MLXIP: variants seen among roughly 807,000 people sequenced by gnomAD.
The protein encoded by MLXIP is MLX interacting protein.
Under a neutral mutation model 87.2 loss-of-function variants are expected in MLXIP, and 30 were observed. The ratio of observed to expected loss-of-function variants is 0.34; its 90% CI spans 0.26 to 0.47. The LOEUF (loss-of-function observed/expected upper bound fraction) is 0.47. Among genes scored for constraint, MLXIP ranks in the 20% least tolerant of loss-of-function variants. The pLI is 1.00. For missense variants in MLXIP, 1,002 were observed against 1,240.1 expected (o/e 0.81, Z 2.88); for synonymous variants, 530 against 514.0 (o/e 1.03, Z -0.42).
intron 1 of MLXIP, among the ~76,000 whole-genome samples, chr12:122,082,652 G>A (rs750612759): frequency 1.9e-4 from 29 of 152,218 alleles, no homozygotes; most frequent in Non-Finnish European, 3.4e-4. Context: ...TCTAACCAGG[G>A]TCTTAGCTGA....
intron 1 of MLXIP, among the ~76,000 whole-genome samples, chr12:122,081,235 G>A (rs1382613512): frequency 6.6e-6 from 1 of 152,080 alleles, no homozygotes; most frequent in African/African-American, 2.4e-5. Flanking sequence ...CTGTGCCTAA[G>A]GTCTCCTGCT....
At chr12:122,124,130 G>T (rs1489969113) in intron 1 of MLXIP, among the ~76,000 whole-genome samples, 6 of 150,574 alleles carry the variant, frequency 4.0e-5, no homozygotes, top group Non-Finnish European at 5.9e-5. Context: ...CGTGCTGCAT[G>T]AGGGGAACCT....
chr12:122,119,492 T>C (rs1952745578), intron 1 of MLXIP, among the ~76,000 whole-genome samples: 1 of 152,038 alleles, frequency 6.6e-6, no homozygotes, highest in African/African-American at 2.4e-5. Flanking sequence ...TCCAGGTTCA[T>C]GCCATTCTCC....
chr12:122,131,486 G>A (rs1952978631), intron 7 of MLXIP, among the ~76,000 whole-genome samples: 1 of 115,448 alleles, frequency 8.7e-6, no homozygotes, highest in South Asian at 2.8e-4. Context: ...GTCTTGCACT[G>A]TCACCCAGGC....
intron 1 of MLXIP, among the ~76,000 whole-genome samples, chr12:122,117,632 C>T (rs1414712944): frequency 6.6e-6 from 1 of 152,164 alleles, no homozygotes; most frequent in African/African-American, 2.4e-5. Flanking sequence ...ACTAGAAGCC[C>T]TAGAATGTCT....
In MLXIP at chr12:122,135,213, T is replaced by C. The variant is rs764139504; in HGVS notation, c.1733-11T>C. On this transcript the variant is annotated splice_polypyrimidine_tract_variant and intron_variant, in intron 9 of 16. Coordinates refer to ENST00000319080, the MANE Select transcript of MLXIP (RefSeq NM_014938.6). The surrounding 1 kb of genome is among the most constrained non-coding windows in gnomAD (Gnocchi z 5.3). ...CAGGGCTGCACCTGAACATCCTCCT[T>C]ATCCTGGCAGCTGCCTTTTCAGGCC... is the stretch of plus-strand genomic sequence containing the variant. 3.7e-6 allele frequency: 6 copies of C among 1,612,272 alleles called. No homozygotes were observed. The highest frequency in any genetic ancestry group is 2.2e-5 in the East Asian group (1 of 44,844).
chr12:122,133,780 A>G lies in MLXIP; in HGVS notation c.1525A>G (p.Ile509Val). ...CTTTAGCCAGAGTCAGGGCCTTGTG[A>G]TCACCACCCATCACCCTGCCCCGTC... Reference protein sequence around the residue: ...TTFSQSQGLVITTHHPAPSAA... With the variant: ...TTFSQSQGLVVTTHHPAPSAA... Residue 509 changes from isoleucine (I) to valine (V), a missense_variant, in exon 9 of 17, where the codon ATC (isoleucine) becomes GTC (valine). Coordinates refer to ENST00000319080, the MANE Select transcript of MLXIP (RefSeq NM_014938.6). This position sits in a 1 kb window ranked among gnomAD's most constrained non-coding sequence, Gnocchi z 4.9. 1 of 1,613,140 alleles carries G rather than the reference A, an allele frequency of 6.2e-7. No individual in the cohort carries two copies. Among genetic ancestry groups the G allele is most frequent in the Non-Finnish European group, 8.5e-7 (1 of 1,179,672 alleles).
Position 122,141,014 on chromosome 12 carries a change from C to T in MLXIP, c.2569C>T (p.Leu857=). The change falls in exon 16 of 17, where the codon CTG becomes TTG. Residue 857 remains leucine, a synonymous_variant. Coordinates refer to ENST00000319080, the MANE Select transcript of MLXIP (RefSeq NM_014938.6). ...SFKGMVSTSS[L]EELHRTALSW... ...CAAGGGCATGGTGTCCACCAGCAGC[C>T]TGGAGGAGCTGCACCGGACGGCGCT... 4 of 1,613,982 alleles carry T rather than the reference C, an allele frequency of 2.5e-6. No individual in the cohort carries two copies. The South Asian group carries it at 3.3e-5, about 13-fold the overall frequency.
At chr12:122,132,902 C>G (rs1471299220) in intron 8 of MLXIP, 2 of 172,960 alleles carry the variant, frequency 1.2e-5, no homozygotes. Flanking sequence ...ACTGCAGAGA[C>G]TGGGATCTGA....
Position 122,127,930 on chromosome 12 carries a change from G to C in MLXIP, c.568G>C (p.Asp190His), listed in dbSNP as rs376647525. ...NPVCHFVTPL[D>H]GSVDVDEHRR... Reference sequence around the variant, plus strand: ...TGTGTGCCACTTTGTGACACCCCTGGACGGCTCTGTGGACGTAGACGAGCA... The same window carrying C: ...TGTGTGCCACTTTGTGACACCCCTGCACGGCTCTGTGGACGTAGACGAGCA... Residue 190 changes from aspartate (D) to histidine (H), a missense_variant, in exon 3 of 17, where the codon GAC becomes CAC. Physicochemically the swap from Asp to His is moderately conservative, Grantham distance 81. Transcript: ENST00000319080. 7.9e-5 allele frequency: 128 copies of C among 1,613,720 alleles called. No individual in the cohort carries two copies. The highest frequency in any genetic ancestry group is 1.1e-4 in the Non-Finnish European group (125 of 1,179,832).
In MLXIP at chr12:122,144,673, G is replaced by A. The variant is rs1284440770; in HGVS notation, c.*2861G>A. 2 of 152,160 alleles carry A rather than the reference G, an allele frequency of 1.3e-5. No homozygotes were observed. Among genetic ancestry groups the A allele is most frequent in the Non-Finnish European group, 2.9e-5 (2 of 68,046 alleles). 9.4% of individuals were successfully genotyped at this position (152,160 alleles called of 1,614,324 possible). On this transcript the variant is annotated 3_prime_UTR_variant, in exon 17 of 17. Coordinates refer to ENST00000319080, the MANE Select transcript of MLXIP (RefSeq NM_014938.6). ...GGCCAAGGCGGGTGGATCACCTGCA[G>A]TCAGGAGTTCACAACCAGCCTGACC...
rs1953214332 is a variant in MLXIP at position 122,141,953 on chromosome 12, G to A, written c.*141G>A. On this transcript the variant is annotated 3_prime_UTR_variant, in exon 17 of 17. Coordinates refer to ENST00000319080, the MANE Select transcript of MLXIP (RefSeq NM_014938.6). ...CTGCCGGCCCACCGTGGCATCGGGAGGCCATGCTCAGGTCTGAAGCAGGTT... is the reference window on the plus strand; with the variant it reads ...CTGCCGGCCCACCGTGGCATCGGGAAGCCATGCTCAGGTCTGAAGCAGGTT... 4 of 1,329,176 alleles carry A rather than the reference G, an allele frequency of 3.0e-6. No individual in the cohort carries two copies. The highest frequency in any genetic ancestry group is 4.1e-6 in the Non-Finnish European group (4 of 979,172). 82.3% of individuals were successfully genotyped at this position (1,329,176 alleles called of 1,614,324 possible).
chr12:122,140,754 TAC>T lies in MLXIP; in HGVS notation c.2509-198_2509-197del, dbSNP rs1256114678. On this transcript the variant is annotated intron_variant, in intron 15 of 16. Transcript: ENST00000319080. ...TGCTTGAGCGGCCCTGTTGTCCAGG[TAC>T]AGTTAGAGCAGAGTGTTTTCATGAA... The T allele has an allele frequency of 3.8e-6, 3 of 790,422 alleles. No individual in the cohort carries two copies. In the East Asian group the frequency reaches 8.3e-5, roughly 22 times the overall value. 49.0% of individuals were successfully genotyped at this position (790,422 alleles called of 1,614,324 possible).
chr12:122,110,344 A>G (rs1952584806), intron 1 of MLXIP, among the ~76,000 whole-genome samples: 1 of 151,664 alleles, frequency 6.6e-6, no homozygotes, highest in South Asian at 2.1e-4. Flanking sequence ...CTGGAGTGCA[A>G]TGGCGCGGTC....
At chr12:122,109,785 T>G (rs1952576134) in intron 1 of MLXIP, among the ~76,000 whole-genome samples, 1 of 152,196 alleles carries the variant, frequency 6.6e-6, no homozygotes, top group Non-Finnish European at 1.5e-5. Flanking sequence ...GACAACTGAT[T>G]CTCAGTAGCA....
intron 1 of MLXIP, among the ~76,000 whole-genome samples, chr12:122,119,275 GT>G (rs1952741360): frequency 1.3e-5 from 2 of 152,124 alleles, no homozygotes; most frequent in South Asian, 4.1e-4. Context: ...TTTTATTTTT[GT>G]TTTTTCACTT....
In MLXIP at chr12:122,130,083, C is replaced by T. The variant is rs755900622; in HGVS notation, c.881C>T (p.Pro294Leu). The T allele has an allele frequency of 2.1e-5, 34 of 1,613,800 alleles. No individual in the cohort carries two copies. The highest frequency in any genetic ancestry group is 2.7e-5 in the Non-Finnish European group (32 of 1,179,872). Residue 294 changes from proline (P) to leucine (L), a missense_variant, in exon 6 of 17, where the codon CCG becomes CTG. This residue lies in a region of MLXIP where 746 missense variants were observed against 897.0 expected (regional missense o/e 0.83). Coordinates refer to ENST00000319080, the MANE Select transcript of MLXIP (RefSeq NM_014938.6). ...TLFSTLSSHQ[P>L]VAWPNPREIA... ...TTCTCCACACTTTCTTCACACCAGCCGGTGGCCTGGCCCAATCCCCGGGAA... is the reference window on the plus strand; with the variant it reads ...TTCTCCACACTTTCTTCACACCAGCTGGTGGCCTGGCCCAATCCCCGGGAA...
intron 1 of MLXIP, among the ~76,000 whole-genome samples, chr12:122,098,463 CACTGGAAATATATCAGTGAG>C (rs1412260932): frequency 3.9e-5 from 6 of 152,176 alleles, no homozygotes; most frequent in African/African-American, 1.4e-4. Context: ...TGGCTGGGAT[CACTGGAAATATATCAGTGAG>C]ACTTAAATGT....
chr12:122,141,640 T>C (rs897848194), intron 16 of MLXIP, 51 bp from the exon 17 acceptor site: 19 of 1,599,964 alleles, frequency 1.2e-5, no homozygotes, highest in Non-Finnish European at 1.5e-5. Context: ...GAGTGTGCGG[T>C]GTGTGGTGGG....
Sources: gnomAD v4.1 joint callset for allele counts (sites outside exome capture counted in the v4.1 genomes callset) on GRCh38, gnomAD v4.1.1 for gene constraint, gnomAD v4.1.1 regional missense constraint, Gnocchi (gnomAD v3.1) non-coding constraint, MANE v1.5 for transcripts, NCBI Gene and HGNC (gene_info 2026-07-23, HGNC 2026-07-21) for gene names.